Variants in RPTOR observed in about 807,000 individuals in gnomAD.
The protein encoded by RPTOR is regulatory associated protein of MTOR complex 1.
A neutral mutation model predicts 169.9 loss-of-function variants in RPTOR; 21 were observed. The ratio of observed to expected loss-of-function variants is 0.12; its 90% CI spans 0.09 to 0.18. RPTOR has a LOEUF of 0.18. RPTOR is among the 10% of genes least tolerant of loss of function. The pLI is 1.00. For synonymous variants in RPTOR, 732 were observed against 753.2 expected (o/e 0.97, Z 0.46); for missense variants, 1,133 against 1,855.9 (o/e 0.61, Z 7.16).
At chr17:80,857,341 G>C (rs1023624559) in intron 12 of RPTOR, among the ~76,000 whole-genome samples, 1 of 152,178 alleles carries the variant, frequency 6.6e-6, no homozygotes, top group Non-Finnish European at 1.5e-5. Context: ...TGGCCGTGCC[G>C]TCACGGAGAG....
intron 13 of RPTOR, among the ~76,000 whole-genome samples, chr17:80,879,908 G>A (rs1034063531): frequency 6.6e-6 from 1 of 152,242 alleles, no homozygotes; most frequent in Non-Finnish European, 1.5e-5. Flanking sequence ...CCAGTGGGAA[G>A]CACCTGCTCA....
intron 3 of RPTOR, among the ~76,000 whole-genome samples, chr17:80,699,587 C>T (rs2066066280): frequency 8.0e-6 from 1 of 125,280 alleles, no homozygotes; most frequent in Non-Finnish European, 1.6e-5. Context: ...AGGTGCTGTG[C>T]ACAGTACCCT....
rs34955105 is a variant in RPTOR, at chr17:80,958,405, C to CTTTTTT, written c.3477+693_3477+698dup. On this transcript the variant is annotated intron_variant, in intron 29 of 33. Coordinates refer to ENST00000306801, the MANE Select transcript of RPTOR (RefSeq NM_020761.3). ...TACAGAAGACAGAAGATTTTTGTTT[C>CTTTTTT]TTTTTTTTTTTTTTTTTTTTTTTGA... Among the ~76,000 whole-genome samples the CTTTTTT allele has an allele frequency of 9.1e-4, 76 of 83,652 alleles. 3 individuals are homozygous for CTTTTTT. The highest frequency in any genetic ancestry group is 1.3e-3 in the African/African-American group (24 of 18,942). The allele number at this position is 83,652 out of a possible 152,430, so 54.9% of individuals were successfully genotyped here.
chr17:80,896,404 G>A (rs370672363), intron 20 of RPTOR, among the ~76,000 whole-genome samples: 1 of 103,372 alleles, frequency 9.7e-6, no homozygotes, highest in Non-Finnish European at 2.0e-5. Flanking sequence ...CCCCACGGCC[G>A]CAGCAACACC....
chr17:80,580,382 C>T (rs557581034), intron 1 of RPTOR, among the ~76,000 whole-genome samples: 5 of 152,228 alleles, frequency 3.3e-5, no homozygotes, highest in South Asian at 2.1e-4. Flanking sequence ...TTTATGTGCC[C>T]GCTCGTGGGG....
chr17:80,729,170 T>C (rs1369055703), intron 4 of RPTOR, among the ~76,000 whole-genome samples: 1 of 152,248 alleles, frequency 6.6e-6, no homozygotes, highest in African/African-American at 2.4e-5. Context: ...CTGCACGCCA[T>C]ACTTCCCCAG....
chr17:80,940,458 C>G (rs1185888711), intron 24 of RPTOR, 38 bp from the exon 25 acceptor site: 10 of 1,566,834 alleles, frequency 6.4e-6, no homozygotes, highest in Non-Finnish European at 7.0e-6. Flanking sequence ...AACCCTGTTT[C>G]ATCGCTGGGC....
intron 4 of RPTOR, among the ~76,000 whole-genome samples, chr17:80,719,759 G>A (rs1471639813): frequency 1.3e-5 from 2 of 152,136 alleles, no homozygotes; most frequent in African/African-American, 4.8e-5. Context: ...GACAACTCGG[G>A]AGTATACATC....
rs542243621 is a variant in RPTOR at position 80,633,900 on chromosome 17, T to C, written c.265+8107T>C. Among the ~76,000 whole-genome samples the C allele has an allele frequency of 2.0e-5, 3 of 152,346 alleles. No individual in the cohort carries two copies. Among genetic ancestry groups the C allele is most frequent in the Non-Finnish European group, 2.9e-5 (2 of 68,036 alleles). ...TCTTGTTTGCATCATTCGTGGAGCA[T>C]GTGCTTACTTTGTCTCATCTAGTCT... On this transcript the variant is annotated intron_variant, in intron 2 of 33. Transcript: ENST00000306801. The surrounding 1 kb of genome is among the most constrained non-coding windows in gnomAD (Gnocchi z 4.1).
Position 80,947,341 on chromosome 17 carries a change from G to A in RPTOR, c.3255G>A (p.Leu1085=). The change falls in exon 27 of 34, where the codon CTG becomes CTA. Residue 1085 remains leucine, a synonymous_variant. Transcript: ENST00000306801. The surrounding 1 kb of genome is among the most constrained non-coding windows in gnomAD (Gnocchi z 4.4). ...ACGGCCAGGACTGCTCGCTTCTGCT[G>A]ACGGCCACAGGTGAGCGGGGTTTGC... is the stretch of plus-strand genomic sequence containing the variant. ...YLNGQDCSLL[L]TATDDGAIRV... 1.3e-6 allele frequency: 2 copies of A among 1,573,936 alleles called. No individual in the cohort carries two copies. Among genetic ancestry groups the A allele is most frequent in the Non-Finnish European group, 1.7e-6 (2 of 1,162,096 alleles).
chr17:80,747,094 G>C (rs1598277378), intron 5 of RPTOR, among the ~76,000 whole-genome samples: 1 of 152,328 alleles, frequency 6.6e-6, no homozygotes, highest in South Asian at 2.1e-4. Context: ...GCACTCGCCT[G>C]TGATCCCAGC....
intron 1 of RPTOR, among the ~76,000 whole-genome samples, chr17:80,597,842 T>TC (rs2065155477): frequency 6.6e-6 from 1 of 151,898 alleles, no homozygotes; most frequent in African/African-American, 2.4e-5. Flanking sequence ...GTTTTTTTTT[T>TC]CCTAAAGATT....
At chr17:80,920,290 G>A (rs937883437) in intron 21 of RPTOR, among the ~76,000 whole-genome samples, 2 of 152,198 alleles carry the variant, frequency 1.3e-5, no homozygotes, top group African/African-American at 4.8e-5. Flanking sequence ...AGTAAATGTT[G>A]AACAAATAAG....
chr17:80,819,931 G>T (rs188901774), intron 7 of RPTOR, among the ~76,000 whole-genome samples: 1 of 152,300 alleles, frequency 6.6e-6, no homozygotes, highest in Admixed American at 6.5e-5. Flanking sequence ...GAACCCCATG[G>T]AGCGAGGACC....
intron 5 of RPTOR, among the ~76,000 whole-genome samples, chr17:80,748,560 A>G (rs1244469899): frequency 1.5e-3 from 134 of 90,146 alleles, no homozygotes; most frequent in African/African-American, 4.7e-3. Context: ...GGGTGGATGG[A>G]GGGGCTGCGG....
chr17:80,955,876 TTGACTG>T (rs1175681826), intron 28 of RPTOR, among the ~76,000 whole-genome samples: 1 of 152,212 alleles, frequency 6.6e-6, no homozygotes. Context: ...CGTGAAGTTG[TTGACTG>T]TGACATGGTT....
chr17:80,554,624 G>A (rs2084383943), intron 1 of RPTOR, among the ~76,000 whole-genome samples: 1 of 152,014 alleles, frequency 6.6e-6, no homozygotes. Context: ...GGCGCCTGTA[G>A]TCCCAGCTAC....
chr17:80,695,735 A>T lies in RPTOR; in HGVS notation c.349-12106A>T, dbSNP rs942808603. Among the ~76,000 whole-genome samples, 2 of 152,102 alleles carry T rather than the reference A, an allele frequency of 1.3e-5. No homozygotes were observed. Among genetic ancestry groups the T allele is most frequent in the Non-Finnish European group, 2.9e-5 (2 of 68,018 alleles). The stretch of plus-strand genomic sequence containing the variant: ...ACTTCTTCCAAAGGTCACCTCTTTT[A>T]TTTCTGAAAAACAAGTCGCTTGAGG... On this transcript the variant is annotated intron_variant, in intron 3 of 33. Coordinates refer to ENST00000306801, the MANE Select transcript of RPTOR (RefSeq NM_020761.3). The surrounding 1 kb of genome is among the most constrained non-coding windows in gnomAD (Gnocchi z 4.9).
chr17:80,594,407 C>T (rs866690325), intron 1 of RPTOR, among the ~76,000 whole-genome samples: 9 of 152,184 alleles, frequency 5.9e-5, no homozygotes, highest in African/African-American at 1.7e-4. Flanking sequence ...GTTCTTTAAA[C>T]GTAGGAAATG....
Sources: gnomAD v4.1 joint callset for allele counts (sites outside exome capture counted in the v4.1 genomes callset) on GRCh38, gnomAD v4.1.1 for gene constraint, Gnocchi (gnomAD v3.1) non-coding constraint, MANE v1.5 for transcripts, NCBI Gene and HGNC (gene_info 2026-07-23, HGNC 2026-07-21) for gene names.